The following PDE2A variants were observed in gnomAD, a reference collection of about 807,000 sequenced individuals.
The protein encoded by PDE2A is phosphodiesterase 2A.
PDE2A carries 53 observed loss-of-function variants against 133.6 expected under a neutral mutation model. The ratio of observed to expected loss-of-function variants is 0.40; its 90% CI spans 0.32 to 0.50. PDE2A has a LOEUF of 0.50. PDE2A is among the 20% of genes least tolerant of loss of function. The probability of loss-of-function intolerance (pLI) is 0.73; values close to 1 mark genes in which losing one functional copy is unlikely to be tolerated. For synonymous variants in PDE2A, 491 were observed against 490.2 expected (o/e 1.00, Z -0.02); for missense variants, 796 against 1,232.4 (o/e 0.65, Z 5.30).
intron 1 of PDE2A, chr11:72,668,543 T>C: frequency 1.4e-6 from 1 of 693,078 alleles, no homozygotes; most frequent in Non-Finnish European, 2.6e-6. Context: ...TCGATGCTGC[T>C]TCACCTTTGG....
chr11:72,611,344 C>G (rs1857203577), intron 2 of PDE2A, among the ~76,000 whole-genome samples: 1 of 152,184 alleles, frequency 6.6e-6, no homozygotes, highest in Non-Finnish European at 1.5e-5. Flanking sequence ...CTCTGGATCT[C>G]TAGCCCTGTC....
At chr11:72,586,886 C>G (rs1429810217) in intron 13 of PDE2A, among the ~76,000 whole-genome samples, 1 of 152,168 alleles carries the variant, frequency 6.6e-6, no homozygotes, top group Non-Finnish European at 1.5e-5. Context: ...GGGGCATCCC[C>G]CATTCATGCT....
intron 1 of PDE2A, among the ~76,000 whole-genome samples, chr11:72,669,482 G>C (rs1855335426): frequency 6.6e-6 from 1 of 152,128 alleles, no homozygotes; most frequent in East Asian, 1.9e-4. Context: ...GCAAGCAGCT[G>C]AACAATAGGA....
intron 2 of PDE2A, among the ~76,000 whole-genome samples, chr11:72,609,594 C>CAA (rs1321682736): frequency 3.3e-5 from 5 of 152,168 alleles, no homozygotes; most frequent in Non-Finnish European, 1.5e-5. Context: ...GGAACGGAGA[C>CAA]AAAAGTCCCT....
At chr11:72,636,332 C>T (rs767703579) in intron 2 of PDE2A, among the ~76,000 whole-genome samples, 3 of 151,708 alleles carry the variant, frequency 2.0e-5, no homozygotes. Flanking sequence ...CATTTTTACT[C>T]ATTTTGGAAT....
At chr11:72,632,947 C>A (rs1017731912) in intron 2 of PDE2A, among the ~76,000 whole-genome samples, 4 of 152,200 alleles carry the variant, frequency 2.6e-5, no homozygotes, top group Non-Finnish European at 5.9e-5. Context: ...GGATTCTTAG[C>A]TAGGTATTCC....
intron 18 of PDE2A, 74 bp from the exon 19 acceptor site, chr11:72,584,387 C>G (rs1019320177): frequency 1.9e-5 from 24 of 1,268,740 alleles, no homozygotes; most frequent in African/African-American, 4.4e-5. Context: ...CGGCCGGGAC[C>G]TGCCCTCGCA....
At chr11:72,662,798 C>T (rs1855106327) in intron 1 of PDE2A, among the ~76,000 whole-genome samples, 1 of 152,102 alleles carries the variant, frequency 6.6e-6, no homozygotes, top group Admixed American at 6.5e-5. Context: ...TGGGTCTAGC[C>T]CCCCTACTTC....
chr11:72,605,503 T>C (rs1394492397), intron 3 of PDE2A, among the ~76,000 whole-genome samples: 1 of 152,188 alleles, frequency 6.6e-6, no homozygotes, highest in Admixed American at 6.5e-5. Context: ...AAACCCAATG[T>C]GCCAGGTAAA....
At chr11:72,614,221 T>G (rs1399109552) in intron 2 of PDE2A, among the ~76,000 whole-genome samples, 1 of 152,212 alleles carries the variant, frequency 6.6e-6, no homozygotes, top group Non-Finnish European at 1.5e-5. Context: ...ACTGGTGCCT[T>G]GGATGTGCAA....
chr11:72,624,203 G>A (rs1857930509), intron 2 of PDE2A, among the ~76,000 whole-genome samples: 1 of 152,012 alleles, frequency 6.6e-6, no homozygotes, highest in Non-Finnish European at 1.5e-5. Flanking sequence ...GACTGGTCTT[G>A]AACTCCTGAC....
chr11:72,645,271 C>T (rs1471168591), intron 1 of PDE2A, among the ~76,000 whole-genome samples: 1 of 152,172 alleles, frequency 6.6e-6, no homozygotes, highest in Non-Finnish European at 1.5e-5. Flanking sequence ...CTCTATTTCC[C>T]CATCTGTGAA....
At chr11:72,635,907 G>A (rs1347359229) in intron 2 of PDE2A, 16 of 1,030,934 alleles carry the variant, frequency 1.6e-5, no homozygotes, top group African/African-American at 6.5e-5. Flanking sequence ...TCTCACTCCC[G>A]GCCCTCTCCA....
intron 1 of PDE2A, among the ~76,000 whole-genome samples, chr11:72,652,194 T>C (rs1854759744): frequency 6.6e-6 from 1 of 152,200 alleles, no homozygotes; most frequent in Admixed American, 6.5e-5. Context: ...GAGGAGAAAT[T>C]AGTCAAGCCC....
chr11:72,668,339 C>T lies in PDE2A; in HGVS notation c.71+5798G>A, dbSNP rs190149811. 4.4e-4 allele frequency: 317 copies of T among 718,792 alleles called. 5 individuals are homozygous for T. The African/African-American group carries it at 5.2e-3, about 12-fold the overall frequency. 44.5% of individuals were successfully genotyped at this position (718,792 alleles called of 1,614,324 possible). Reference sequence around the variant, plus strand: ...TCCCCTCCTGGATCCTCTGTTTCTTCATCCAGAAAACAGCAGTCTCTTGGG... The same window carrying T: ...TCCCCTCCTGGATCCTCTGTTTCTTTATCCAGAAAACAGCAGTCTCTTGGG... On this transcript the variant is annotated intron_variant, in intron 1 of 30. Transcript: ENST00000334456.
At chr11:72,669,479 G>T (rs1302409047) in intron 1 of PDE2A, among the ~76,000 whole-genome samples, 1 of 152,136 alleles carries the variant, frequency 6.6e-6, no homozygotes, top group Non-Finnish European at 1.5e-5. Context: ...GGAGCAAGCA[G>T]CTGAACAATA....
At chr11:72,667,290 T>G (rs1160203234) in intron 1 of PDE2A, among the ~76,000 whole-genome samples, 1 of 152,104 alleles carries the variant, frequency 6.6e-6, no homozygotes, top group African/African-American at 2.4e-5. Flanking sequence ...AGCACCTCAG[T>G]ATCAAGCAAG....
rs767040419 is a variant in PDE2A at position 72,577,497 on chromosome 11, G to A, written c.2713C>T (p.Arg905Cys). 2.0e-5 allele frequency: 33 copies of A among 1,613,560 alleles called. No homozygotes were observed. The highest frequency in any genetic ancestry group is 1.6e-4 in the Middle Eastern group (1 of 6,082). ...AGCGAGTTGTTACTTGGGAGGCCGC[G>A]GATGGTGAACTTGTGGGACACCTTG... is the stretch of plus-strand genomic sequence containing the variant. ...WTKVSHKFTI[R>C]GLPSNNSLDF... is the part of the protein sequence containing the mutation. Residue 905 changes from arginine (R) to cysteine (C), a missense_variant, in exon 31 of 31, where the codon CGC becomes TGC. Arg to Cys is a radical substitution (Grantham distance 180). Transcript: ENST00000334456.
intron 1 of PDE2A, among the ~76,000 whole-genome samples, chr11:72,664,857 A>G (rs1312893655): frequency 2.0e-5 from 3 of 151,558 alleles, no homozygotes; most frequent in African/African-American, 7.3e-5. Flanking sequence ...CCTAGGCTGG[A>G]ATGCAATGGC....
Sources: allele counts gnomAD v4.1 joint callset (sites outside exome capture counted in the v4.1 genomes callset), GRCh38; gene constraint gnomAD v4.1.1; transcripts MANE v1.5; gene names NCBI Gene and HGNC (gene_info 2026-07-23, HGNC 2026-07-21).